The following SCFD2 variants were observed in gnomAD, a reference collection of about 807,000 sequenced individuals.
SCFD2 encodes the protein sec1 family domain-containing protein 2.
In SCFD2, 54 loss-of-function variants were observed where a neutral mutation model predicts 58.9. The observed-to-expected ratio is 0.92, with a 90% CI of 0.74 to 1.15. The LOEUF (loss-of-function observed/expected upper bound fraction) is 1.15. SCFD2 is among the 50% of genes most tolerant of loss of function. The pLI is 0.00. For missense variants in SCFD2, 805 were observed against 836.6 expected, an observed-to-expected ratio of 0.96 and a Z score of 0.47; for synonymous variants, 321 against 335.9, an observed-to-expected ratio of 0.96 and a Z score of 0.49.
intron 4 of SCFD2, among the ~76,000 whole-genome samples, chr4:53,193,882 C>T (rs1727983982): frequency 6.6e-6 from 1 of 152,138 alleles, no homozygotes; most frequent in Admixed American, 6.5e-5. Context: ...CAGCAGCCTC[C>T]TACCTCACCC....
At chr4:53,360,343 C>A (rs2149172795) in intron 1 of SCFD2, among the ~76,000 whole-genome samples, 1 of 152,298 alleles carries the variant, frequency 6.6e-6, no homozygotes, top group Middle Eastern at 3.4e-3. Context: ...TGATTAAAAT[C>A]TATCTTCCAA....
chr4:53,119,395 C>T (rs567812449), intron 5 of SCFD2, among the ~76,000 whole-genome samples: 1 of 151,858 alleles, frequency 6.6e-6, no homozygotes, highest in Non-Finnish European at 1.5e-5. Flanking sequence ...GCACAAGAAT[C>T]GTTTGAACCC....
intron 5 of SCFD2, among the ~76,000 whole-genome samples, chr4:53,135,573 T>A (rs1279777924): frequency 3.9e-5 from 6 of 152,110 alleles, no homozygotes; most frequent in Admixed American, 2.0e-4. Context: ...AAACCCCATC[T>A]CTACTAAAAA....
At chr4:52,889,668 T>C (rs531790155) in intron 7 of SCFD2, among the ~76,000 whole-genome samples, 3 of 152,350 alleles carry the variant, frequency 2.0e-5, no homozygotes, top group Admixed American at 2.0e-4. Context: ...ACTGAGTGTA[T>C]GCATATCACC....
intron 5 of SCFD2, among the ~76,000 whole-genome samples, chr4:53,119,716 G>A (rs1349609082): frequency 6.6e-6 from 1 of 152,122 alleles, no homozygotes; most frequent in Non-Finnish European, 1.5e-5. Context: ...CCAAACCCCT[G>A]AAGAGTGCTG....
chr4:52,997,233 T>C (rs1339624740), intron 5 of SCFD2, among the ~76,000 whole-genome samples: 7 of 152,186 alleles, frequency 4.6e-5, no homozygotes, highest in Admixed American at 4.6e-4. Flanking sequence ...AATGAGTTGT[T>C]ATTGTTGGCT....
intron 5 of SCFD2, among the ~76,000 whole-genome samples, chr4:52,979,670 T>C (rs1353260167): frequency 1.3e-5 from 2 of 152,130 alleles, no homozygotes; most frequent in African/African-American, 4.8e-5. Context: ...ATCCCAATTA[T>C]TTACACTCAT....
intron 5 of SCFD2, among the ~76,000 whole-genome samples, chr4:53,042,425 G>A (rs1722922776): frequency 6.6e-6 from 1 of 152,068 alleles, no homozygotes; most frequent in Non-Finnish European, 1.5e-5. Context: ...GAGCAAAGGT[G>A]TCCCTTCCCT....
chr4:53,294,836 C>T (rs1442841759), intron 3 of SCFD2, among the ~76,000 whole-genome samples: 1 of 152,062 alleles, frequency 6.6e-6, no homozygotes, highest in East Asian at 1.9e-4. Context: ...GGAAGGAATC[C>T]AGTTTCAGCT....
chr4:53,038,300 C>A (rs1364293372), intron 5 of SCFD2, among the ~76,000 whole-genome samples: 1 of 152,120 alleles, frequency 6.6e-6, no homozygotes, highest in East Asian at 1.9e-4. Flanking sequence ...CTGGAGTTGG[C>A]AAATCCTTTC....
In SCFD2 at chr4:52,946,033, G is replaced by T. The variant is rs145409902; in HGVS notation, c.1562-25163C>A. ...TAGTTTTAGGAGAAAATAAAACCACGTGCATTTGGAATAAGTTACTATCAT... is the reference window on the plus strand; with the variant it reads ...TAGTTTTAGGAGAAAATAAAACCACTTGCATTTGGAATAAGTTACTATCAT... On this transcript the variant is annotated intron_variant, in intron 5 of 8. Transcript: ENST00000401642. Among the ~76,000 whole-genome samples, 563 of 152,124 alleles carry T rather than the reference G, an allele frequency of 3.7e-3. 6 individuals are homozygous for T. The highest frequency in any genetic ancestry group is 0.013 in the African/African-American group (538 of 41,516).
At chr4:53,297,515 T>C (rs1732084798) in intron 3 of SCFD2, among the ~76,000 whole-genome samples, 1 of 152,152 alleles carries the variant, frequency 6.6e-6, no homozygotes, top group Non-Finnish European at 1.5e-5. Context: ...TGGTAAATAT[T>C]CCTCTATCCC....
At chr4:53,262,575 G>A (rs980061528) in intron 4 of SCFD2, among the ~76,000 whole-genome samples, 21 of 152,292 alleles carry the variant, frequency 1.4e-4, no homozygotes, top group African/African-American at 4.3e-4. Flanking sequence ...GCTAAAAATA[G>A]GACCCCAATC....
At chr4:52,918,975 T>G (rs993730497) in intron 6 of SCFD2, among the ~76,000 whole-genome samples, 6 of 152,090 alleles carry the variant, frequency 3.9e-5, no homozygotes, top group African/African-American at 1.4e-4. Flanking sequence ...CACTGACACT[T>G]AGGATTGTTG....
chr4:53,112,744 G>C (rs542667187), intron 5 of SCFD2, among the ~76,000 whole-genome samples: 2 of 152,022 alleles, frequency 1.3e-5, no homozygotes, highest in East Asian at 1.9e-4. Context: ...ATTCCTCAAG[G>C]GATCTTGGAG....
chr4:52,899,348 G>A (rs1719118048), intron 7 of SCFD2, among the ~76,000 whole-genome samples: 1 of 152,150 alleles, frequency 6.6e-6, no homozygotes, highest in Admixed American at 6.5e-5. Flanking sequence ...AGGCCTGGTG[G>A]TGACAAAATC....
chr4:53,305,056 C>T (rs1732470021), intron 3 of SCFD2, among the ~76,000 whole-genome samples: 1 of 152,030 alleles, frequency 6.6e-6, no homozygotes, highest in Non-Finnish European at 1.5e-5. Context: ...TGTTAGTTTT[C>T]CTTCTAACAG....
At chr4:53,071,972 G>A (rs1395763913) in intron 5 of SCFD2, among the ~76,000 whole-genome samples, 1 of 152,094 alleles carries the variant, frequency 6.6e-6, no homozygotes, top group African/African-American at 2.4e-5. Context: ...TGTTTAATGT[G>A]CAATGCTTCA....
chr4:53,144,388 T>G (rs1294719509), intron 5 of SCFD2, among the ~76,000 whole-genome samples: 1 of 150,096 alleles, frequency 6.7e-6, no homozygotes, highest in Non-Finnish European at 1.5e-5. Context: ...TGTGCATGTG[T>G]ATATATACAT....
Sources: gnomAD v4.1 joint callset for allele counts (sites outside exome capture counted in the v4.1 genomes callset) on GRCh38, gnomAD v4.1.1 for gene constraint, MANE v1.5 for transcripts, NCBI Gene and HGNC (gene_info 2026-07-23, HGNC 2026-07-21) for gene names.